Variants in ANKFN1 observed in about 807,000 individuals in gnomAD.
ANKFN1 encodes ankyrin repeat and fibronectin type-III domain-containing protein 1.
Under a neutral mutation model 108.7 loss-of-function variants are expected in ANKFN1, and 74 were observed. The observed-to-expected ratio is 0.68, with a 90% CI of 0.56 to 0.83. The LOEUF (loss-of-function observed/expected upper bound fraction) is 0.83, where lower values mean the gene tolerates loss of function less well. Among genes scored for constraint, ANKFN1 ranks in the 40% least tolerant of loss-of-function variants. ANKFN1 has a pLI of 0.00. For missense variants in ANKFN1, 1,505 were observed against 1,382.3 expected, an observed-to-expected ratio of 1.09 and a Z score of -1.41; for synonymous variants, 547 against 516.2, an observed-to-expected ratio of 1.06 and a Z score of -0.81.
At chr17:56,227,881 ATT>A (rs1916403448) in intron 2 of ANKFN1, 34 bp from the exon 3 acceptor site, 2 of 1,574,648 alleles carry the variant, frequency 1.3e-6, no homozygotes, top group Non-Finnish European at 8.7e-7. Flanking sequence ...TTACTGTACA[ATT>A]TTTTAACATT....
chr17:56,224,573 C>T (rs1448046603), intron 2 of ANKFN1: 1 of 152,124 alleles, frequency 6.6e-6, no homozygotes, highest in Admixed American at 6.5e-5. Context: ...AGCCAGATAG[C>T]CTAATCAGCA....
At chr17:56,074,388 C>T (rs780172900) in intron 4 of ANKFN1, among the ~76,000 whole-genome samples, 4 of 152,232 alleles carry the variant, frequency 2.6e-5, no homozygotes, top group Non-Finnish European at 5.9e-5. Context: ...CGAGACCCCT[C>T]TGACACTGCG....
chr17:56,053,095 A>C (rs965567431), intron 4 of ANKFN1, among the ~76,000 whole-genome samples: 2 of 152,272 alleles, frequency 1.3e-5, no homozygotes, highest in African/African-American at 4.8e-5. Flanking sequence ...GACTAATGCT[A>C]TTTACTATGT....
chr17:56,226,709 A>G (rs1916303974), intron 2 of ANKFN1, among the ~76,000 whole-genome samples: 1 of 152,176 alleles, frequency 6.6e-6, no homozygotes, highest in African/African-American at 2.4e-5. Context: ...TAATAACAGC[A>G]GTAACAACAC....
intron 3 of ANKFN1, among the ~76,000 whole-genome samples, chr17:56,251,488 G>GT (rs1038363820): frequency 5.3e-5 from 8 of 152,234 alleles, no homozygotes; most frequent in Non-Finnish European, 1.0e-4. Context: ...TTTGGGGCAG[G>GT]TTTTTTTCTA....
intron 1 of ANKFN1, among the ~76,000 whole-genome samples, chr17:56,186,916 C>T (rs916235877): frequency 2.0e-5 from 3 of 152,136 alleles, no homozygotes; most frequent in East Asian, 1.9e-4. Context: ...CTTCCTTACA[C>T]CTTATACAAA....
At chr17:56,152,242 G>A, upstream of ANKFN1, among the ~76,000 whole-genome samples, 1 of 135,086 alleles carries the variant, frequency 7.4e-6, no homozygotes, top group East Asian at 2.3e-4. Flanking sequence ...CATCTTGCAG[G>A]GAAATATATA....
At chr17:56,398,442 A>C (rs1810993070) in intron 8 of ANKFN1, among the ~76,000 whole-genome samples, 1 of 152,170 alleles carries the variant, frequency 6.6e-6, no homozygotes, top group South Asian at 2.1e-4. Context: ...TTGAGTACAA[A>C]GGTCATAACT....
chr17:56,183,098 A>G (rs1329201187), intron 1 of ANKFN1, among the ~76,000 whole-genome samples: 2 of 152,202 alleles, frequency 1.3e-5, no homozygotes, highest in Non-Finnish European at 2.9e-5. Context: ...TCTAATAGAG[A>G]TCTGCAAAGG....
chr17:56,151,705 G>C (rs1262962639), upstream of ANKFN1, among the ~76,000 whole-genome samples: 1 of 152,120 alleles, frequency 6.6e-6, no homozygotes, highest in Non-Finnish European at 1.5e-5. Flanking sequence ...CACTGAGAGA[G>C]CTGGTTTTTA....
At chr17:56,316,048 T>C (rs1040730987) in intron 3 of ANKFN1, among the ~76,000 whole-genome samples, 2 of 152,198 alleles carry the variant, frequency 1.3e-5, no homozygotes, top group Non-Finnish European at 2.9e-5. Context: ...GCTCCTGACA[T>C]TTGTACAGCA....
At chr17:56,296,746 T>C (rs543573220) in intron 3 of ANKFN1, among the ~76,000 whole-genome samples, 11 of 152,256 alleles carry the variant, frequency 7.2e-5, no homozygotes, top group African/African-American at 2.6e-4. Flanking sequence ...CGCATGAGCT[T>C]TGGAGTCAGA....
At chr17:56,432,161 T>A (rs1343304255) in intron 8 of ANKFN1, among the ~76,000 whole-genome samples, 1 of 152,216 alleles carries the variant, frequency 6.6e-6, no homozygotes, top group Non-Finnish European at 1.5e-5. Context: ...GTTACATCCA[T>A]TACAGTTTTT....
chr17:56,210,500 C>T (rs1238457198), intron 1 of ANKFN1, among the ~76,000 whole-genome samples: 1 of 152,128 alleles, frequency 6.6e-6, no homozygotes, highest in Non-Finnish European at 1.5e-5. Context: ...TGATGTTAAG[C>T]ATTTTTTTCA....
intron 4 of ANKFN1, among the ~76,000 whole-genome samples, chr17:56,115,468 T>A (rs1906212385): frequency 6.6e-6 from 1 of 152,152 alleles, no homozygotes; most frequent in African/African-American, 2.4e-5. Context: ...CACAATGAAA[T>A]TATATATGTT....
At chr17:56,497,673 C>T (rs1424234511) in intron 19 of ANKFN1, among the ~76,000 whole-genome samples, 3 of 152,250 alleles carry the variant, frequency 2.0e-5, no homozygotes, top group South Asian at 4.1e-4. Flanking sequence ...GCATGACTCA[C>T]ATAATGAATA....
intron 4 of ANKFN1, among the ~76,000 whole-genome samples, chr17:56,131,871 T>C (rs866573154): frequency 1.1e-4 from 16 of 152,162 alleles, no homozygotes; most frequent in African/African-American, 3.9e-4. Context: ...AACAATTTCT[T>C]TTAAAGATGA....
At chr17:56,487,503 T>C (rs2145400230) in intron 18 of ANKFN1, among the ~76,000 whole-genome samples, 1 of 151,794 alleles carries the variant, frequency 6.6e-6, no homozygotes, top group African/African-American at 2.4e-5. Context: ...CTTTATGATT[T>C]AAACCAATTG....
chr17:56,424,390 C>T (rs1055215634), intron 8 of ANKFN1, among the ~76,000 whole-genome samples: 3 of 152,160 alleles, frequency 2.0e-5, no homozygotes, highest in Non-Finnish European at 4.4e-5. Context: ...ATCTGGCCCT[C>T]GCATTCATTC....
Sources: allele counts gnomAD v4.1 joint callset (sites outside exome capture counted in the v4.1 genomes callset), GRCh38; gene constraint gnomAD v4.1.1; transcripts MANE v1.5; gene names NCBI Gene and HGNC (gene_info 2026-07-23, HGNC 2026-07-21).